Variants in BTBD9 observed in about 807,000 individuals in gnomAD.
BTBD9 encodes BTB/POZ domain-containing protein 9.
Under a neutral mutation model 64.3 loss-of-function variants are expected in BTBD9, and 49 were observed. The ratio of observed to expected loss-of-function variants is 0.76; its 90% CI spans 0.61 to 0.97. BTBD9 has a LOEUF of 0.97. Ranked by LOEUF, BTBD9 falls within the 50% of genes least tolerant of loss-of-function variation. The pLI is 0.00. For synonymous variants in BTBD9, 260 were observed against 274.7 expected (o/e 0.95, Z 0.53); for missense variants, 598 against 762.1 (o/e 0.78, Z 2.53).
At chr6:38,632,426 T>C (rs1339548689) in intron 1 of BTBD9, among the ~76,000 whole-genome samples, 1 of 152,160 alleles carries the variant, frequency 6.6e-6, no homozygotes, top group Non-Finnish European at 1.5e-5. Flanking sequence ...ATTTTGTAAA[T>C]AGGTTTAAAA....
intron 1 of BTBD9, among the ~76,000 whole-genome samples, chr6:38,604,587 G>C (rs550836147): frequency 2.5e-4 from 38 of 152,136 alleles, no homozygotes; most frequent in Non-Finnish European, 5.0e-4. Flanking sequence ...CAGATAACAA[G>C]TAATGTAAAT....
intron 1 of BTBD9, among the ~76,000 whole-genome samples, chr6:38,624,295 G>A (rs1377885040): frequency 6.6e-6 from 1 of 152,188 alleles, no homozygotes; most frequent in Non-Finnish European, 1.5e-5. Context: ...GCCAGCAGCT[G>A]CAACCTGCTC....
At chr6:38,416,646 C>T (rs1377519974) in intron 6 of BTBD9, among the ~76,000 whole-genome samples, 1 of 151,150 alleles carries the variant, frequency 6.6e-6, no homozygotes, top group Non-Finnish European at 1.5e-5. Flanking sequence ...GCCTGGCCCC[C>T]TCTCTGTACT....
chr6:38,522,330 C>T (rs1460684222), intron 6 of BTBD9, among the ~76,000 whole-genome samples: 2 of 152,038 alleles, frequency 1.3e-5, no homozygotes, highest in Non-Finnish European at 2.9e-5. Flanking sequence ...TATATTTCTT[C>T]TTCCTTTCAC....
chr6:38,496,836 C>A (rs1047103489), intron 6 of BTBD9, among the ~76,000 whole-genome samples: 4 of 152,166 alleles, frequency 2.6e-5, no homozygotes, highest in Non-Finnish European at 5.9e-5. Context: ...TACCCTATGA[C>A]TTACTAGTGG....
chr6:38,209,868 G>A (rs1762771038), intron 9 of BTBD9, among the ~76,000 whole-genome samples: 1 of 152,222 alleles, frequency 6.6e-6, no homozygotes, highest in African/African-American at 2.4e-5. Context: ...TCTGGTAAAT[G>A]CACTTGCATC....
intron 6 of BTBD9, among the ~76,000 whole-genome samples, chr6:38,426,475 C>G (rs1443209035): frequency 6.6e-6 from 1 of 151,952 alleles, no homozygotes; most frequent in Non-Finnish European, 1.5e-5. Context: ...TGCAACTGCA[C>G]TCTTCTGGCC....
intron 9 of BTBD9, among the ~76,000 whole-genome samples, chr6:38,256,138 A>T (rs1295126036): frequency 6.6e-6 from 1 of 152,004 alleles, no homozygotes; most frequent in Non-Finnish European, 1.5e-5. Context: ...TTGCATAAGG[A>T]AAGTTTTTTC....
At chr6:38,614,524 C>T (rs1777725001) in intron 1 of BTBD9, among the ~76,000 whole-genome samples, 1 of 152,182 alleles carries the variant, frequency 6.6e-6, no homozygotes, top group Non-Finnish European at 1.5e-5. Flanking sequence ...GCCCACTTTA[C>T]ATTTGCACTT....
intron 9 of BTBD9, among the ~76,000 whole-genome samples, chr6:38,241,748 C>G (rs577253880): frequency 6.6e-6 from 1 of 152,188 alleles, no homozygotes; most frequent in East Asian, 1.9e-4. Context: ...AAAATGTCAA[C>G]TGTGGGGAAA....
intron 7 of BTBD9, among the ~76,000 whole-genome samples, chr6:38,341,349 A>G (rs1764089979): frequency 6.6e-6 from 1 of 152,076 alleles, no homozygotes. Context: ...AGATGTGTAT[A>G]ATAAAGTATT....
chr6:38,427,159 T>A (rs1257693440), intron 6 of BTBD9, among the ~76,000 whole-genome samples: 1 of 149,264 alleles, frequency 6.7e-6, no homozygotes, highest in Non-Finnish European at 1.5e-5. Context: ...CATAGCTGAA[T>A]ATTAAAATCA....
chr6:38,539,330 A>G (rs1244551489), intron 6 of BTBD9, among the ~76,000 whole-genome samples: 1 of 152,172 alleles, frequency 6.6e-6, no homozygotes, highest in African/African-American at 2.4e-5. Flanking sequence ...AATAATACCA[A>G]CTTCAGTTTT....
intron 6 of BTBD9, among the ~76,000 whole-genome samples, chr6:38,572,900 T>G (rs1314454856): frequency 3.9e-5 from 6 of 151,914 alleles, no homozygotes; most frequent in Non-Finnish European, 5.9e-5. Flanking sequence ...CAGATTTGAA[T>G]ACATTTTTTA....
intron 8 of BTBD9, among the ~76,000 whole-genome samples, chr6:38,282,095 A>G (rs1457482486): frequency 6.6e-6 from 1 of 152,202 alleles, no homozygotes; most frequent in Non-Finnish European, 1.5e-5. Context: ...CGACAGAGGG[A>G]CTATAAACTA....
At chr6:38,456,718 C>T (rs1340104181) in intron 6 of BTBD9, among the ~76,000 whole-genome samples, 2 of 152,098 alleles carry the variant, frequency 1.3e-5, no homozygotes, top group Non-Finnish European at 2.9e-5. Flanking sequence ...TGTTTAGTTA[C>T]TTTTAAGTTT....
chr6:38,206,550 C>T (rs1762659446), intron 9 of BTBD9, among the ~76,000 whole-genome samples: 1 of 151,744 alleles, frequency 6.6e-6, no homozygotes, highest in Admixed American at 6.6e-5. Context: ...CACTTTTTAA[C>T]TCTAGGGAAA....
At chr6:38,304,978 CTTT>C (rs921761846) in intron 7 of BTBD9, among the ~76,000 whole-genome samples, 9 of 146,160 alleles carry the variant, frequency 6.2e-5, no homozygotes, top group Admixed American at 2.8e-4. Flanking sequence ...AGGGCAGGAA[CTTT>C]TTTTTTTTTT....
At chr6:38,422,971 A>T (rs9369059) in intron 6 of BTBD9, among the ~76,000 whole-genome samples, 92,709 of 151,750 alleles carry the variant, frequency 0.61, 28,638 homozygotes, top group East Asian at 0.83. Context: ...TTAAATATAT[A>T]TTTTTTAAAT....
Sources: gnomAD v4.1 joint callset for allele counts (sites outside exome capture counted in the v4.1 genomes callset) on GRCh38, gnomAD v4.1.1 for gene constraint, MANE v1.5 for transcripts, NCBI Gene and HGNC (gene_info 2026-07-23, HGNC 2026-07-21) for gene names.